The following RETREG1 variants were observed in gnomAD, a reference collection of about 807,000 sequenced individuals.
RETREG1 encodes reticulophagy regulator 1.
A neutral mutation model predicts 54.8 loss-of-function variants in RETREG1; 44 were observed. The ratio of observed to expected loss-of-function variants is 0.80; its 90% CI spans 0.63 to 1.03. RETREG1 has a LOEUF of 1.03. Among genes scored for constraint, RETREG1 ranks in the 50% least tolerant of loss-of-function variants. RETREG1 has a pLI of 0.00. For missense variants in RETREG1, 554 were observed against 605.1 expected, an observed-to-expected ratio of 0.92 and a Z score of 0.89; for synonymous variants, 217 against 238.5, an observed-to-expected ratio of 0.91 and a Z score of 0.83.
intron 3 of RETREG1, among the ~76,000 whole-genome samples, chr5:16,559,947 T>C (rs940565471): frequency 6.6e-6 from 1 of 152,214 alleles, no homozygotes; most frequent in African/African-American, 2.4e-5. Flanking sequence ...GTAAATCCTG[T>C]TCACAGATTG....
intron 1 of RETREG1, among the ~76,000 whole-genome samples, chr5:16,573,740 TTG>T (rs1491561054): frequency 2.5e-4 from 36 of 143,884 alleles, no homozygotes; most frequent in African/African-American, 4.3e-4. Context: ...TGTTTGTTTT[TTG>T]TTTTTTTTTT....
At chr5:16,573,302 A>T (rs1468865736) in intron 1 of RETREG1, among the ~76,000 whole-genome samples, 1 of 152,026 alleles carries the variant, frequency 6.6e-6, no homozygotes, top group Non-Finnish European at 1.5e-5. Context: ...AGGGAAACAA[A>T]CTAAAAATTA....
chr5:16,581,493 T>A (rs1446865348), intron 1 of RETREG1, among the ~76,000 whole-genome samples: 1 of 150,450 alleles, frequency 6.6e-6, no homozygotes, highest in African/African-American at 2.5e-5. Context: ...AAGGCTTTTT[T>A]ATCCTTAAAA....
intron 3 of RETREG1, among the ~76,000 whole-genome samples, chr5:16,519,912 C>A (rs943714657): frequency 6.6e-6 from 1 of 152,220 alleles, no homozygotes; most frequent in Non-Finnish European, 1.5e-5. Flanking sequence ...CAGCTGGAAC[C>A]ACGTCTTTGT....
chr5:16,509,698 T>C (rs1305972120), intron 3 of RETREG1, among the ~76,000 whole-genome samples: 1 of 152,068 alleles, frequency 6.6e-6, no homozygotes, highest in Non-Finnish European at 1.5e-5. Context: ...AGAAACAATA[T>C]TATTTTCAAA....
At chr5:16,479,767 G>A (rs370105698) in intron 5 of RETREG1, among the ~76,000 whole-genome samples, 5 of 152,084 alleles carry the variant, frequency 3.3e-5, no homozygotes, top group South Asian at 2.1e-4. Context: ...GAAGTGTCCC[G>A]TATTATATTT....
At chr5:16,575,514 G>A (rs1183216427) in intron 1 of RETREG1, among the ~76,000 whole-genome samples, 2 of 152,216 alleles carry the variant, frequency 1.3e-5, no homozygotes, top group East Asian at 3.8e-4. Flanking sequence ...TTCTCTTAGT[G>A]GAAGTTACAA....
intron 3 of RETREG1, among the ~76,000 whole-genome samples, chr5:16,546,719 C>T (rs1741397772): frequency 1.3e-5 from 2 of 152,166 alleles, no homozygotes; most frequent in Non-Finnish European, 2.9e-5. Context: ...CCTCCCCCTC[C>T]TACCTTTTTT....
At chr5:16,530,984 T>A (rs576526530) in intron 3 of RETREG1, among the ~76,000 whole-genome samples, 51 of 152,110 alleles carry the variant, frequency 3.4e-4, no homozygotes, top group Non-Finnish European at 5.9e-4. Context: ...AATGGATGAA[T>A]GAAAAAGGGG....
chr5:16,514,956 GTA>G (rs960386138), intron 3 of RETREG1, among the ~76,000 whole-genome samples: 2 of 146,932 alleles, frequency 1.4e-5, no homozygotes, highest in Admixed American at 6.8e-5. Flanking sequence ...TTATATATGT[GTA>G]TATATATTAT....
chr5:16,514,660 G>A (rs113815326), intron 3 of RETREG1, among the ~76,000 whole-genome samples: 2,429 of 151,800 alleles, frequency 0.016, 57 homozygotes, highest in African/African-American at 0.053. Flanking sequence ...TACCCAGTGT[G>A]CAGTCTTTTA....
At chr5:16,486,367 G>GTTT (rs1739020223) in intron 3 of RETREG1, among the ~76,000 whole-genome samples, 2 of 152,168 alleles carry the variant, frequency 1.3e-5, no homozygotes, top group Admixed American at 1.3e-4. Flanking sequence ...TTTAACAATA[G>GTTT]TTTTAAATTG....
At chr5:16,493,523 T>A (rs1739334130) in intron 3 of RETREG1, among the ~76,000 whole-genome samples, 1 of 152,162 alleles carries the variant, frequency 6.6e-6, no homozygotes, top group African/African-American at 2.4e-5. Flanking sequence ...ACAGATAATA[T>A]CAGATAGTCA....
intron 3 of RETREG1, among the ~76,000 whole-genome samples, chr5:16,541,223 A>G (rs1216744236): frequency 2.6e-5 from 4 of 152,150 alleles, no homozygotes; most frequent in Admixed American, 2.6e-4. Context: ...AGAACTCACA[A>G]CTGACTGTCA....
At chr5:16,587,018 T>A (rs998573265) in intron 1 of RETREG1, among the ~76,000 whole-genome samples, 1 of 152,196 alleles carries the variant, frequency 6.6e-6, no homozygotes, top group African/African-American at 2.4e-5. Context: ...CCGGACCTAA[T>A]CAGCTCCCAA....
At chr5:16,510,913 C>A (rs1424351774) in intron 3 of RETREG1, among the ~76,000 whole-genome samples, 1 of 150,488 alleles carries the variant, frequency 6.6e-6, no homozygotes, top group African/African-American at 2.4e-5. Flanking sequence ...ATGAATTTTA[C>A]CTTTTCTTTC....
intron 1 of RETREG1, among the ~76,000 whole-genome samples, chr5:16,583,317 C>T (rs1579707045): frequency 6.7e-6 from 1 of 148,758 alleles, no homozygotes; most frequent in Non-Finnish European, 1.5e-5. Context: ...AACACCCCAT[C>T]TCTACCAAAA....
At chr5:16,476,090 T>C (rs551863921) in intron 8 of RETREG1, among the ~76,000 whole-genome samples, 1 of 152,272 alleles carries the variant, frequency 6.6e-6, no homozygotes, top group African/African-American at 2.4e-5. Flanking sequence ...TACTGAAAGC[T>C]TGTAGAGCTT....
chr5:16,593,327 A>G lies in RETREG1; in HGVS notation c.321-21225T>C, dbSNP rs1348243701. Among the ~76,000 whole-genome samples, 1 of 152,108 alleles carries G rather than the reference A, an allele frequency of 6.6e-6. No homozygotes were observed. The highest frequency in any genetic ancestry group is 2.4e-5 in the African/African-American group (1 of 41,398). ...CCATCTGTCTGTCCTTCCCTACCCC[A>G]TACTACAAGCTCTGTGAGAGAAGGG... is the stretch of plus-strand genomic sequence containing the variant. On this transcript the variant is annotated intron_variant, in intron 1 of 8. Coordinates refer to ENST00000306320, the MANE Select transcript of RETREG1 (RefSeq NM_001034850.3). This position sits in a 1 kb window ranked among gnomAD's most constrained non-coding sequence, Gnocchi z 4.9.
Sources: allele counts gnomAD v4.1 joint callset (sites outside exome capture counted in the v4.1 genomes callset), GRCh38; gene constraint gnomAD v4.1.1; non-coding constraint Gnocchi (gnomAD v3.1); transcripts MANE v1.5; gene names NCBI Gene and HGNC (gene_info 2026-07-23, HGNC 2026-07-21).